Variants in PDE11A observed in about 807,000 individuals in gnomAD.
PDE11A encodes dual 3',5'-cyclic-AMP and -GMP phosphodiesterase 11A.
A neutral mutation model predicts 100.5 loss-of-function variants in PDE11A; 100 were observed. That is an observed-to-expected ratio of 1.00 (90% confidence interval 0.85 to 1.18). The LOEUF is 1.18. PDE11A is among the 50% of genes most tolerant of loss of function. The probability of loss-of-function intolerance (pLI) is 0.00; values close to 1 mark genes in which losing one functional copy is unlikely to be tolerated. For missense variants in PDE11A, 1,141 were observed against 1,152.6 expected, an observed-to-expected ratio of 0.99 and a Z score of 0.15; for synonymous variants, 381 against 420.8, an observed-to-expected ratio of 0.91 and a Z score of 1.16.
At chr2:177,924,918 C>A (rs2085105803) in intron 2 of PDE11A, among the ~76,000 whole-genome samples, 1 of 146,572 alleles carries the variant, frequency 6.8e-6, no homozygotes, top group Non-Finnish European at 1.5e-5. Context: ...TGTGATATTC[C>A]CCTTCCTGTG....
At chr2:177,659,267 G>GAAAAA (rs71010812) in intron 19 of PDE11A, among the ~76,000 whole-genome samples, 1 of 128,198 alleles carries the variant, frequency 7.8e-6, no homozygotes, top group African/African-American at 3.1e-5. Flanking sequence ...ATCTCAGGGG[G>GAAAAA]AAAAAAAAAA....
chr2:178,034,270 T>C (rs2086583063), intron 1 of PDE11A, among the ~76,000 whole-genome samples: 1 of 152,056 alleles, frequency 6.6e-6, no homozygotes, highest in Non-Finnish European at 1.5e-5. Flanking sequence ...AAACAGACTT[T>C]AAATCAACAA....
chr2:177,832,470 C>T (rs535827490), intron 6 of PDE11A, among the ~76,000 whole-genome samples: 18 of 152,236 alleles, frequency 1.2e-4, no homozygotes, highest in East Asian at 1.9e-4. Context: ...CTTTGGGATT[C>T]GGACTGGCTT....
At chr2:177,650,989 G>A (rs1306755876) in intron 19 of PDE11A, among the ~76,000 whole-genome samples, 2 of 152,198 alleles carry the variant, frequency 1.3e-5, no homozygotes, top group Non-Finnish European at 2.9e-5. Flanking sequence ...TCACAGATTT[G>A]AAAGCAGAAA....
At chr2:177,854,148 A>T (rs2083786708) in intron 5 of PDE11A, among the ~76,000 whole-genome samples, 1 of 151,916 alleles carries the variant, frequency 6.6e-6, no homozygotes, top group African/African-American at 2.4e-5. Context: ...TGACCTATAT[A>T]GGCTACTTTA....
chr2:177,927,303 GC>G (rs1482462335), intron 2 of PDE11A, among the ~76,000 whole-genome samples: 2 of 152,134 alleles, frequency 1.3e-5, no homozygotes, highest in Non-Finnish European at 2.9e-5. Context: ...CAAAAAATTT[GC>G]CTTAATGTAA....
chr2:178,043,364 C>T lies in PDE11A; in HGVS notation c.912+28162G>A, dbSNP rs564355949. ...GCTAAGGTACACAGATTTGACTATCCAGAAAAGACAGATCAAGGTTCTTCA... is the reference window on the plus strand; with the variant it reads ...GCTAAGGTACACAGATTTGACTATCTAGAAAAGACAGATCAAGGTTCTTCA... On this transcript the variant is annotated intron_variant, in intron 1 of 19. Coordinates refer to ENST00000286063, the MANE Select transcript of PDE11A (RefSeq NM_016953.4). Among the ~76,000 whole-genome samples, 3 of 152,192 alleles carry T rather than the reference C, an allele frequency of 2.0e-5. No homozygotes were observed. The East Asian group carries it at 5.8e-4, about 29-fold the overall frequency.
intron 2 of PDE11A, among the ~76,000 whole-genome samples, chr2:177,987,675 C>A (rs1173148075): frequency 6.6e-6 from 1 of 151,876 alleles, no homozygotes; most frequent in South Asian, 2.1e-4. Context: ...AACAAATATT[C>A]TATGCATGAC....
chr2:177,895,277 G>T (rs2084592399), intron 4 of PDE11A, among the ~76,000 whole-genome samples: 2 of 152,146 alleles, frequency 1.3e-5, no homozygotes, highest in Admixed American at 6.5e-5. Flanking sequence ...TCTGGGCCGG[G>T]TGCTGTGGCT....
intron 19 of PDE11A, among the ~76,000 whole-genome samples, chr2:177,631,779 T>C (rs1164505421): frequency 6.6e-6 from 1 of 151,486 alleles, no homozygotes; most frequent in Non-Finnish European, 1.5e-5. Context: ...CTCCAGGGTC[T>C]GAAAGAAGTA....
intron 19 of PDE11A, among the ~76,000 whole-genome samples, chr2:177,637,998 T>TATATATATATA (rs1491152209): frequency 3.3e-3 from 74 of 22,156 alleles, no homozygotes; most frequent in Non-Finnish European, 4.9e-3. Flanking sequence ...TATATATATA[T>TATATATATATA]TTTTTTTTTT....
At chr2:177,710,195 C>G (rs1327150493) in intron 13 of PDE11A, among the ~76,000 whole-genome samples, 2 of 151,648 alleles carry the variant, frequency 1.3e-5, no homozygotes, top group Admixed American at 6.6e-5. Context: ...GGATTAGCCT[C>G]GGACGAGGGA....
At chr2:178,090,130 T>C (rs1245175930) in intron 2 of PDE11A, among the ~76,000 whole-genome samples, 1 of 152,184 alleles carries the variant, frequency 6.6e-6, no homozygotes, top group African/African-American at 2.4e-5. Context: ...GAGGACTATA[T>C]ACAGAATAAT....
At chr2:178,006,839 C>G (rs1415725468) in intron 2 of PDE11A, among the ~76,000 whole-genome samples, 9 of 147,480 alleles carry the variant, frequency 6.1e-5, no homozygotes, top group Non-Finnish European at 1.3e-4. Context: ...GGGGGGGAAG[C>G]CAATGCATTC....
chr2:178,017,184 G>A (rs936894455), intron 1 of PDE11A, among the ~76,000 whole-genome samples: 4 of 152,222 alleles, frequency 2.6e-5, no homozygotes, highest in Admixed American at 2.0e-4. Context: ...TTGTTAAGGC[G>A]CTAAGGCGCC....
At chr2:177,875,754 G>T in intron 5 of PDE11A, 105 bp downstream of exon 5, 1 of 780,270 alleles carries the variant, frequency 1.3e-6, no homozygotes, top group Non-Finnish European at 2.3e-6. Context: ...ATTTGGTTGT[G>T]CTTGCTAATA....
chr2:177,805,351 A>G (rs937929970), intron 9 of PDE11A, among the ~76,000 whole-genome samples: 2 of 151,924 alleles, frequency 1.3e-5, no homozygotes, highest in East Asian at 3.8e-4. Flanking sequence ...GTTTGCCTCC[A>G]CATTCTAAGC....
upstream of PDE11A, chr2:178,073,080 G>C (rs536977365): frequency 3.6e-4 from 351 of 985,328 alleles, no homozygotes; most frequent in African/African-American, 5.8e-3. Flanking sequence ...TTAGCGTTTC[G>C]AGGAGGCCCA....
At chr2:177,895,844 A>G (rs2084604251) in intron 4 of PDE11A, among the ~76,000 whole-genome samples, 1 of 152,200 alleles carries the variant, frequency 6.6e-6, no homozygotes, top group African/African-American at 2.4e-5. Context: ...ATTACAAATT[A>G]TACATTAATA....
Sources: gnomAD v4.1 joint callset for allele counts (sites outside exome capture counted in the v4.1 genomes callset) on GRCh38, gnomAD v4.1.1 for gene constraint, MANE v1.5 for transcripts, NCBI Gene and HGNC (gene_info 2026-07-23, HGNC 2026-07-21) for gene names.